CMKLR1: variants seen among roughly 807,000 people sequenced by gnomAD.
CMKLR1 encodes the protein chemerin-like receptor 1.
In CMKLR1, 6 loss-of-function variants were observed where a neutral mutation model predicts 8.2. The ratio of observed to expected loss-of-function variants is 0.73; its 90% CI spans 0.40 to 1.44. The LOEUF is 1.44. Ranked by LOEUF, CMKLR1 falls within the 40% of genes most tolerant of loss-of-function variation. CMKLR1 has a pLI of 0.02. For synonymous variants in CMKLR1, 178 were observed against 181.2 expected (o/e 0.98, Z 0.14); for missense variants, 429 against 478.0 (o/e 0.90, Z 0.96).
At chr12:108,293,104 T>G in intron 3 of CMKLR1, 145 bp from the exon 4 acceptor site, 1 of 757,204 alleles carries the variant, frequency 1.3e-6, no homozygotes, top group Non-Finnish European at 2.1e-6. Context: ...GCTATTTTAT[T>G]TATTGAACAA....
intron 2 of CMKLR1, among the ~76,000 whole-genome samples, chr12:108,314,343 C>T (rs1466385201): frequency 6.6e-6 from 1 of 152,156 alleles, no homozygotes; most frequent in Admixed American, 6.5e-5. Context: ...ATGCTCCTTG[C>T]TAAAAACCAA....
rs761137943 is a variant in CMKLR1 at position 108,292,846 on chromosome 12, G to A, written c.117C>T (p.Thr39=). 6.8e-6 allele frequency: 11 copies of A among 1,614,104 alleles called. No individual in the cohort carries two copies. In the Admixed American group the frequency reaches 1.7e-4, roughly 24 times the overall value. The change falls in exon 4 of 4, where the codon ACC becomes ACT. Residue 39 remains threonine (T), a synonymous_variant. Coordinates refer to ENST00000550402, the MANE Select transcript of CMKLR1 (RefSeq NM_001142343.2). ...EDLSPLEARV[T]RIFLVVVYSI... is the part of the protein sequence containing the mutation. ...TGTAGACCACCACCAGGAAGATCCT[G>A]GTCACCCTGGCTTCCAAGGGGGATA...
intron 2 of CMKLR1, among the ~76,000 whole-genome samples, chr12:108,316,947 A>C (rs1310391818): frequency 2.0e-5 from 3 of 151,480 alleles, no homozygotes; most frequent in Non-Finnish European, 4.4e-5. Context: ...TACTACAGGC[A>C]TACACCACCA....
At chr12:108,338,172 T>A (rs73403358) in intron 1 of CMKLR1, among the ~76,000 whole-genome samples, 3,399 of 152,292 alleles carry the variant, frequency 0.022, 138 homozygotes, top group African/African-American at 0.077. Context: ...TAAAATGGGC[T>A]ATTCTGAAGA....
chr12:108,338,709 T>C (rs1892287452), intron 1 of CMKLR1, among the ~76,000 whole-genome samples: 1 of 152,202 alleles, frequency 6.6e-6, no homozygotes, highest in Non-Finnish European at 1.5e-5. Context: ...TCAAATAATC[T>C]TAAGATAGCC....
chr12:108,296,061 G>C (rs146243026), intron 2 of CMKLR1, among the ~76,000 whole-genome samples: 3 of 152,150 alleles, frequency 2.0e-5, no homozygotes, highest in Non-Finnish European at 2.9e-5. Flanking sequence ...CTCTGGAAGC[G>C]TAAGGGAGGC....
chr12:108,315,897 C>G (rs764257588), intron 2 of CMKLR1, among the ~76,000 whole-genome samples: 3 of 152,200 alleles, frequency 2.0e-5, no homozygotes, highest in Non-Finnish European at 4.4e-5. Flanking sequence ...GACATGGCCT[C>G]TCTGAGCCTT....
chr12:108,299,624 C>T (rs1272045786), intron 2 of CMKLR1, among the ~76,000 whole-genome samples: 1 of 152,068 alleles, frequency 6.6e-6, no homozygotes, highest in African/African-American at 2.4e-5. Context: ...TTAGAGTAGG[C>T]CCCAGATTGC....
At chr12:108,316,872 A>C (rs1317162832) in intron 2 of CMKLR1, among the ~76,000 whole-genome samples, 1 of 152,188 alleles carries the variant, frequency 6.6e-6, no homozygotes, top group Non-Finnish European at 1.5e-5. Context: ...ATCACAGCTC[A>C]CTGCAGCCTC....
At chr12:108,326,312 C>G (rs1891981687) in intron 2 of CMKLR1, among the ~76,000 whole-genome samples, 2 of 152,284 alleles carry the variant, frequency 1.3e-5, no homozygotes, top group East Asian at 3.9e-4. Context: ...GTGTTTATGT[C>G]CACAGCACCT....
intron 2 of CMKLR1, among the ~76,000 whole-genome samples, chr12:108,300,005 T>A (rs1362185623): frequency 2.0e-5 from 3 of 152,222 alleles, no homozygotes; most frequent in African/African-American, 4.8e-5. Context: ...GGCATATGCA[T>A]CTGATTAGAT....
At chr12:108,334,491 T>A (rs183879661) in intron 1 of CMKLR1, among the ~76,000 whole-genome samples, 118 of 152,334 alleles carry the variant, frequency 7.7e-4, no homozygotes, top group Admixed American at 1.8e-3. Flanking sequence ...CACACTGTAC[T>A]TCTTCACCCC....
At chr12:108,308,867 G>A (rs777639517) in intron 2 of CMKLR1, among the ~76,000 whole-genome samples, 3 of 152,172 alleles carry the variant, frequency 2.0e-5, no homozygotes, top group Non-Finnish European at 2.9e-5. Context: ...CTGGATCTGA[G>A]TACTGGGGTT....
rs902025837 is a variant in CMKLR1, at chr12:108,314,132, G to A, written c.-74+15863C>T. Among the ~76,000 whole-genome samples, 16 of 152,266 alleles carry A rather than the reference G, an allele frequency of 1.1e-4. No homozygotes were observed. The South Asian group carries it at 1.5e-3, about 14-fold the overall frequency. Reference sequence around the variant, plus strand: ...TTGGCGTGATGCAGCTGTGGATGGTGGGAGGTTCAAAAGAGGCTCACTTAT... The same window carrying A: ...TTGGCGTGATGCAGCTGTGGATGGTAGGAGGTTCAAAAGAGGCTCACTTAT... On this transcript the variant is annotated intron_variant, in intron 2 of 3. Transcript: ENST00000550402.
At position 108,316,087 on chromosome 12, in the gene CMKLR1, T is replaced by C. The variant is rs538147879; in HGVS notation, c.-74+13908A>G. Among the ~76,000 whole-genome samples, 11 of 152,292 alleles carry C rather than the reference T, an allele frequency of 7.2e-5. No individual in the cohort carries two copies. The South Asian group carries it at 2.3e-3, about 32-fold the overall frequency. The stretch of plus-strand genomic sequence containing the variant: ...CTCAGCAGAAACAGTGCATACTTCA[T>C]GGAGTCACTGCAAAATGAAAATGCA... On this transcript the variant is annotated intron_variant, in intron 2 of 3. Coordinates refer to ENST00000550402, the MANE Select transcript of CMKLR1 (RefSeq NM_001142343.2).
intron 1 of CMKLR1, among the ~76,000 whole-genome samples, chr12:108,333,725 C>G (rs1566031770): frequency 6.6e-6 from 1 of 152,184 alleles, no homozygotes; most frequent in Non-Finnish European, 1.5e-5. Flanking sequence ...CTATCATCAC[C>G]ACAGTGTGCT....
At chr12:108,303,226 C>A (rs1891324209) in intron 2 of CMKLR1, among the ~76,000 whole-genome samples, 1 of 152,206 alleles carries the variant, frequency 6.6e-6, no homozygotes, top group South Asian at 2.1e-4. Flanking sequence ...GTCCTGGGCC[C>A]TAGTCCTTCC....
In CMKLR1 at chr12:108,292,502, C is replaced by A; in HGVS notation, c.461G>T (p.Arg154Leu). ...GACCATGCAGGCCATGTAAGCCAGGCGAACGCTGCGGTGGTTCTGGGACCA... is the reference window on the plus strand; with the variant it reads ...GACCATGCAGGCCATGTAAGCCAGGAGAACGCTGCGGTGGTTCTGGGACCA... ...PVWSQNHRSV[R>L]LAYMACMVIW... The change falls in exon 4 of 4, where the codon CGC (arginine) becomes CTC (leucine). Residue 154 changes from arginine to leucine, a missense_variant. Arg to Leu is a moderately radical substitution (Grantham distance 102). Transcript: ENST00000550402. The A allele has an allele frequency of 6.2e-7, 1 of 1,614,084 alleles. No homozygotes were observed.
intron 1 of CMKLR1, among the ~76,000 whole-genome samples, chr12:108,332,914 C>A (rs1262868216): frequency 6.6e-6 from 1 of 152,098 alleles, no homozygotes; most frequent in Non-Finnish European, 1.5e-5. Context: ...GTCGAGGCTG[C>A]AAATGAGCTG....
Sources: gnomAD v4.1 joint callset for allele counts (sites outside exome capture counted in the v4.1 genomes callset) on GRCh38, gnomAD v4.1.1 for gene constraint, MANE v1.5 for transcripts, NCBI Gene and HGNC (gene_info 2026-07-23, HGNC 2026-07-21) for gene names.